Variants in IL1RAPL1 observed in about 807,000 individuals in gnomAD.
IL1RAPL1 encodes the protein interleukin 1 receptor accessory protein like 1.
A neutral mutation model predicts 48.4 loss-of-function variants in IL1RAPL1; 3 were observed. That is an observed-to-expected ratio of 0.06 (90% CI 0.03 to 0.16). The LOEUF is 0.16. Ranked by LOEUF, IL1RAPL1 falls within the 10% of genes least tolerant of loss-of-function variation. IL1RAPL1 has a pLI of 1.00. For missense variants in IL1RAPL1, 349 were observed against 530.6 expected, an observed-to-expected ratio of 0.66 and a Z score of 3.36; for synonymous variants, 185 against 187.7, an observed-to-expected ratio of 0.99 and a Z score of 0.12.
At chrX:28,816,036 G>C (rs1041428650) in intron 2 of IL1RAPL1, among the ~76,000 whole-genome samples, 3 of 104,372 alleles carry the variant, frequency 2.9e-5, no homozygotes, top group Non-Finnish European at 5.9e-5. Context: ...GTAGTGGAAT[G>C]CTGGATTATA....
At position 28,643,483 on chromosome X, in the gene IL1RAPL1, T is replaced by A. The variant is rs762320440; in HGVS notation, c.-25+55436T>A. Among the ~76,000 whole-genome samples, 4 of 111,211 alleles carry A rather than the reference T, an allele frequency of 3.6e-5. No homozygotes were observed. In the South Asian group the frequency reaches 1.5e-3, roughly 43 times the overall value. On this transcript the variant is annotated intron_variant, in intron 1 of 10. Transcript: ENST00000378993. ...CTATTCAATGTGTGAGAAAACTACA[T>A]AAGGGCATGAATAGCAGGTGGTAAG...
intron 5 of IL1RAPL1, among the ~76,000 whole-genome samples, chrX:29,533,329 A>G (rs1465635969): frequency 8.9e-6 from 1 of 111,915 alleles, no homozygotes; most frequent in Non-Finnish European, 1.9e-5. Context: ...AGATTTACTT[A>G]TTGGGGACAT....
intron 3 of IL1RAPL1, among the ~76,000 whole-genome samples, chrX:29,349,656 G>A (rs942605635): frequency 2.7e-5 from 3 of 111,201 alleles, no homozygotes; most frequent in African/African-American, 9.8e-5. Flanking sequence ...TCTTTATTCT[G>A]AGTTGTCTAA....
At chrX:28,863,492 T>C (rs980300873) in intron 2 of IL1RAPL1, among the ~76,000 whole-genome samples, 3 of 109,170 alleles carry the variant, frequency 2.7e-5, no homozygotes, top group Non-Finnish European at 3.8e-5. Flanking sequence ...GAAAAGGGTT[T>C]GTTATGAGGA....
chrX:29,636,763 G>C (rs1040856171), intron 5 of IL1RAPL1, among the ~76,000 whole-genome samples: 13 of 111,861 alleles, frequency 1.2e-4, no homozygotes, highest in African/African-American at 4.2e-4. Context: ...AACAGGCTGG[G>C]CACTGTGGCT....
At chrX:29,952,612 G>A (rs1394383327) in intron 9 of IL1RAPL1, among the ~76,000 whole-genome samples, 1 of 112,082 alleles carries the variant, frequency 8.9e-6, no homozygotes, top group African/African-American at 3.2e-5. Context: ...CAACTAAAGT[G>A]TTTACATCAA....
At chrX:29,094,927 C>T (rs1433063742) in intron 2 of IL1RAPL1, among the ~76,000 whole-genome samples, 1 of 105,058 alleles carries the variant, frequency 9.5e-6, no homozygotes, top group Non-Finnish European at 1.9e-5. Context: ...TCTCCATTTA[C>T]ATTGATTTTT....
chrX:29,867,420 A>T (rs1480044008), intron 6 of IL1RAPL1, among the ~76,000 whole-genome samples: 1 of 111,618 alleles, frequency 9.0e-6, no homozygotes, highest in Non-Finnish European at 1.9e-5. Flanking sequence ...TATCAACCTT[A>T]AAAAAGAGAT....
At chrX:29,478,367 C>G (rs1477233471) in intron 5 of IL1RAPL1, among the ~76,000 whole-genome samples, 1 of 111,827 alleles carries the variant, frequency 8.9e-6, no homozygotes, top group Non-Finnish European at 1.9e-5. Flanking sequence ...CAAAATTTAT[C>G]CAAAATTCTG....
chrX:29,520,909 G>A (rs1266808880), intron 5 of IL1RAPL1, among the ~76,000 whole-genome samples: 2 of 111,427 alleles, frequency 1.8e-5, no homozygotes, highest in Non-Finnish European at 3.8e-5. Context: ...ATGCAAGGGA[G>A]TAGTGTCTGA....
intron 5 of IL1RAPL1, among the ~76,000 whole-genome samples, chrX:29,446,053 C>A (rs1279891920): frequency 8.9e-6 from 1 of 111,946 alleles, no homozygotes; most frequent in Non-Finnish European, 1.9e-5. Context: ...AAATAACTAC[C>A]AGTTGACTGA....
intron 5 of IL1RAPL1, among the ~76,000 whole-genome samples, chrX:29,639,126 C>T (rs992113617): frequency 9.7e-6 from 1 of 103,559 alleles, no homozygotes; most frequent in Non-Finnish European, 1.9e-5. Flanking sequence ...GCGGAGCTTG[C>T]AGTGAGCCGA....
chrX:29,739,755 G>A (rs951254303), intron 6 of IL1RAPL1, among the ~76,000 whole-genome samples: 15 of 110,848 alleles, frequency 1.4e-4, no homozygotes, highest in African/African-American at 4.9e-4. Flanking sequence ...AAGAGTTTTA[G>A]TCAGTTTAGA....
intron 6 of IL1RAPL1, among the ~76,000 whole-genome samples, chrX:29,845,537 G>C (rs1489993787): frequency 8.9e-6 from 1 of 111,883 alleles, no homozygotes; most frequent in Non-Finnish European, 1.9e-5. Flanking sequence ...TGACACAACT[G>C]AATATTAACA....
chrX:29,337,817 G>A (rs1284881199), intron 3 of IL1RAPL1, among the ~76,000 whole-genome samples: 1 of 110,049 alleles, frequency 9.1e-6, no homozygotes, highest in East Asian at 2.8e-4. Flanking sequence ...TTGGATTACA[G>A]GTGCCCGTCA....
At chrX:29,396,737 A>G (rs1421871360) in intron 4 of IL1RAPL1, among the ~76,000 whole-genome samples, 1 of 111,887 alleles carries the variant, frequency 8.9e-6, no homozygotes, top group Non-Finnish European at 1.9e-5. Context: ...AATTTCAGGA[A>G]CTAAATTACC....
At chrX:29,886,176 G>A (rs955749582) in intron 6 of IL1RAPL1, among the ~76,000 whole-genome samples, 2 of 112,156 alleles carry the variant, frequency 1.8e-5, no homozygotes, top group Admixed American at 9.5e-5. Context: ...GTCAGTCGTA[G>A]ATTTAACTCA....
chrX:29,358,548 A>G (rs1432009325), intron 3 of IL1RAPL1, among the ~76,000 whole-genome samples: 1 of 110,345 alleles, frequency 9.1e-6, no homozygotes, highest in African/African-American at 3.3e-5. Flanking sequence ...TATTTTATAT[A>G]TATATTATTT....
At chrX:29,515,778 C>T (rs775495894) in intron 5 of IL1RAPL1, among the ~76,000 whole-genome samples, 13 of 111,468 alleles carry the variant, frequency 1.2e-4, no homozygotes, top group African/African-American at 4.2e-4. Context: ...CCTCCACCCC[C>T]TGGATTCAAG....
Sources: gnomAD v4.1 joint callset for allele counts (sites outside exome capture counted in the v4.1 genomes callset) on GRCh38, gnomAD v4.1.1 for gene constraint, MANE v1.5 for transcripts, NCBI Gene and HGNC (gene_info 2026-07-23, HGNC 2026-07-21) for gene names.